PCDHGA7: variants seen among roughly 807,000 people sequenced by gnomAD.
PCDHGA7 encodes the protein protocadherin gamma-A7.
In PCDHGA7, 44 loss-of-function variants were observed where a neutral mutation model predicts 58.3. The ratio of observed to expected loss-of-function variants is 0.75; its 90% CI spans 0.59 to 0.97. The LOEUF is 0.97. Among genes scored for constraint, PCDHGA7 ranks in the 50% least tolerant of loss-of-function variants. The pLI is 0.00. For missense variants in PCDHGA7, 1,266 were observed against 1,188.7 expected, an observed-to-expected ratio of 1.06 and a Z score of -0.96; for synonymous variants, 516 against 504.2, an observed-to-expected ratio of 1.02 and a Z score of -0.31.
At chr5:141,421,489 G>A in intron 1 of PCDHGA7, 1 of 1,614,094 alleles carries the variant, frequency 6.2e-7, no homozygotes, top group Non-Finnish European at 8.5e-7. Flanking sequence ...CTTGATCACG[G>A]CAGGCAGGAT....
intron 1 of PCDHGA7, among the ~76,000 whole-genome samples, chr5:141,438,792 G>T (rs2098065674): frequency 6.7e-6 from 1 of 149,346 alleles, no homozygotes. Flanking sequence ...CTCTCCAGTA[G>T]CTGGGATTAC....
chr5:141,453,609 G>A (rs1208329212), intron 1 of PCDHGA7, among the ~76,000 whole-genome samples: 3 of 151,900 alleles, frequency 2.0e-5, no homozygotes, highest in South Asian at 4.2e-4. Context: ...TTTGCAAAAC[G>A]CAAAAACAAA....
At chr5:141,466,019 G>C (rs1466918487) in intron 1 of PCDHGA7, among the ~76,000 whole-genome samples, 1 of 152,062 alleles carries the variant, frequency 6.6e-6, no homozygotes, top group African/African-American at 2.4e-5. Flanking sequence ...CTACTCGGGA[G>C]GGTGAGGCAG....
At chr5:141,403,949 G>C (rs1167033357) in intron 1 of PCDHGA7, 2 of 1,613,886 alleles carry the variant, frequency 1.2e-6, no homozygotes, top group Non-Finnish European at 1.7e-6. Flanking sequence ...GTGGACAAAA[G>C]TGCTCATTTC....
At position 141,489,644 on chromosome 5, in the gene PCDHGA7, C is replaced by T. The variant is rs1244782345; in HGVS notation, c.2425-5163C>T. 11 of 1,614,070 alleles carry T rather than the reference C, an allele frequency of 6.8e-6. No individual in the cohort carries two copies. The Admixed American group carries it at 1.8e-4, about 27-fold the overall frequency. ...AATGACAACTCTCCTAGCTTTGCCA[C>T]CCCTGAGCGAGAGATGCGCATCTCA... is the stretch of plus-strand genomic sequence containing the variant. On this transcript the variant is annotated intron_variant, in intron 1 of 3. Coordinates refer to ENST00000518325, the MANE Select transcript of PCDHGA7 (RefSeq NM_018920.4). The surrounding 1 kb of genome is among the most constrained non-coding windows in gnomAD (Gnocchi z 4.5).
At chr5:141,394,938 G>T (rs367656720) in intron 1 of PCDHGA7, 1 of 1,613,662 alleles carries the variant, frequency 6.2e-7, no homozygotes, top group Non-Finnish European at 8.5e-7. Context: ...CGCCTTTGTC[G>T]CTGTGCTTCT....
At chr5:141,494,708 C>T (rs1481947557) in intron 1 of PCDHGA7, 99 bp from the exon 2 acceptor site, 2 of 1,599,566 alleles carry the variant, frequency 1.3e-6, no homozygotes, top group Non-Finnish European at 1.7e-6. Flanking sequence ...CTTCTCTGTG[C>T]CCACTCCCCT....
intron 1 of PCDHGA7, chr5:141,398,967 C>T: frequency 6.2e-7 from 1 of 1,613,942 alleles, no homozygotes; most frequent in Non-Finnish European, 8.5e-7. Flanking sequence ...TTACTTATTC[C>T]TTCTACAGAA....
At position 141,383,029 on chromosome 5, in the gene PCDHGA7, T is replaced by G; in HGVS notation, c.130T>G (p.Phe44Val). 1 of 1,613,808 alleles carries G rather than the reference T, an allele frequency of 6.2e-7. No individual in the cohort carries two copies. Among genetic ancestry groups the G allele is most frequent in the Non-Finnish European group, 8.5e-7 (1 of 1,179,886 alleles). The change falls in exon 1 of 4, where the codon TTT (phenylalanine) becomes GTT (valine). Residue 44 changes from phenylalanine (F) to valine (V), a missense_variant. Phe to Val is a conservative substitution (Grantham distance 50). Transcript: ENST00000518325. Reference protein sequence around the residue: ...SVSEETDKGSFVGDIAKDLGL... With the variant: ...SVSEETDKGSVVGDIAKDLGL... ...GTCGGAGGAGACGGACAAAGGGTCC[T>G]TTGTGGGAGACATCGCCAAGGACCT... is the stretch of plus-strand genomic sequence containing the variant.
chr5:141,419,419 C>A (rs767018815), intron 1 of PCDHGA7: 1 of 1,613,384 alleles, frequency 6.2e-7, no homozygotes. Context: ...AGCGCGCCTT[C>A]GACCACGAGC....
intron 1 of PCDHGA7, chr5:141,423,627 C>T (rs925883716): frequency 6.2e-7 from 1 of 1,604,886 alleles, no homozygotes; most frequent in African/African-American, 1.3e-5. Context: ...ACTCAGCTAT[C>T]ATTTTAGGCA....
chr5:141,459,171 A>G (rs2098962477), intron 1 of PCDHGA7, among the ~76,000 whole-genome samples: 1 of 152,180 alleles, frequency 6.6e-6, no homozygotes, highest in Non-Finnish European at 1.5e-5. Flanking sequence ...ATAACCTTCA[A>G]AAGTTCCCTC....
At chr5:141,433,225 GCT>G in intron 1 of PCDHGA7, 1 of 1,517,048 alleles carries the variant, frequency 6.6e-7, no homozygotes, top group African/African-American at 1.4e-5. Context: ...TTTTTTAATT[GCT>G]CTGTCTCCCA....
At chr5:141,462,035 C>T (rs35674654) in intron 1 of PCDHGA7, among the ~76,000 whole-genome samples, 14,886 of 152,176 alleles carry the variant, frequency 0.098, 964 homozygotes, top group Non-Finnish European at 0.14. Context: ...GTTGGTCAGG[C>T]GGGTCTTGAA....
intron 1 of PCDHGA7, among the ~76,000 whole-genome samples, chr5:141,456,359 G>A (rs2098853225): frequency 6.6e-6 from 1 of 152,158 alleles, no homozygotes; most frequent in Non-Finnish European, 1.5e-5. Context: ...TGGCGTCCAT[G>A]TGTGGTTCAG....
intron 1 of PCDHGA7, chr5:141,411,430 A>C (rs918915726): frequency 6.6e-6 from 1 of 151,188 alleles, no homozygotes; most frequent in Admixed American, 6.6e-5. Context: ...CAACAAAAAA[A>C]AACATTAGCA....
chr5:141,413,417 T>A (rs777399697), intron 1 of PCDHGA7: 1 of 1,614,086 alleles, frequency 6.2e-7, no homozygotes, highest in Non-Finnish European at 8.5e-7. Context: ...CTTTTCTCTC[T>A]GAACCCGCGC....
Position 141,477,044 on chromosome 5 carries a change from C to T in PCDHGA7, c.2425-17763C>T, listed in dbSNP as rs750525889. ...CGGGATGCTGACAATCAAGGGTCGG[C>T]TGGACTTCGAGGACACCAAACTCCA... On this transcript the variant is annotated intron_variant, in intron 1 of 3. Coordinates refer to ENST00000518325, the MANE Select transcript of PCDHGA7 (RefSeq NM_018920.4). The surrounding 1 kb of genome is among the most constrained non-coding windows in gnomAD (Gnocchi z 4.9). 6.2e-7 allele frequency: 1 copy of T among 1,614,246 alleles called. No individual in the cohort carries two copies. Among genetic ancestry groups the T allele is most frequent in the Non-Finnish European group, 8.5e-7 (1 of 1,180,034 alleles).
At chr5:141,392,644 A>C in intron 1 of PCDHGA7, 1 of 663,560 alleles carries the variant, frequency 1.5e-6, no homozygotes, top group Non-Finnish European at 2.4e-6. Flanking sequence ...CACCTCACGA[A>C]GACCCGCAGA....
Sources: allele counts gnomAD v4.1 joint callset (sites outside exome capture counted in the v4.1 genomes callset), GRCh38; gene constraint gnomAD v4.1.1; non-coding constraint Gnocchi (gnomAD v3.1); transcripts MANE v1.5; gene names NCBI Gene and HGNC (gene_info 2026-07-23, HGNC 2026-07-21).